Variants in GSE1 observed in about 807,000 individuals in gnomAD.
The protein encoded by GSE1 is genetic suppressor element 1.
In GSE1, 32 loss-of-function variants were observed where a neutral mutation model predicts 112.6. The ratio of observed to expected loss-of-function variants is 0.28; its 90% CI spans 0.21 to 0.38. GSE1 has a LOEUF of 0.38. Ranked by LOEUF, GSE1 falls within the 10% of genes least tolerant of loss-of-function variation. The probability of loss-of-function intolerance (pLI) is 1.00; values close to 1 mark genes in which losing one functional copy is unlikely to be tolerated. For synonymous variants in GSE1, 1,115 were observed against 735.6 expected (o/e 1.52, Z -8.35); for missense variants, 2,348 against 1,699.2 (o/e 1.38, Z -6.71).
rs1035293221 is a variant in GSE1 at position 85,317,553 on chromosome 16, T to C, written c.2284-39910T>C. On this transcript the variant is annotated intron_variant, in intron 1 of 2. Transcript: ENST00000637419. ...CAGGACTGAGCCCTGCTGCCCACAGTGAGTGTTGGTGAGCATCCATGCGCC... is the reference window on the plus strand; with the variant it reads ...CAGGACTGAGCCCTGCTGCCCACAGCGAGTGTTGGTGAGCATCCATGCGCC... 3.9e-4 allele frequency among the ~76,000 whole-genome samples: 60 copies of C among 152,004 alleles called. 1 individual carries two copies. Among genetic ancestry groups the C allele is most frequent in the African/African-American group, 1.4e-3 (58 of 41,384 alleles).
intron 2 of GSE1, among the ~76,000 whole-genome samples, chr16:85,462,621 G>A (rs1567506625): frequency 6.8e-6 from 1 of 146,160 alleles, no homozygotes; most frequent in Non-Finnish European, 1.5e-5. Context: ...CAGCAGTCTT[G>A]ACAAGCGCGT....
chr16:85,616,293 G>T (rs543425016), intron 1 of GSE1, among the ~76,000 whole-genome samples: 1 of 152,270 alleles, frequency 6.6e-6, no homozygotes, highest in Admixed American at 6.5e-5. Context: ...GAGCTGAGGG[G>T]CAGGAGCTGG....
At chr16:85,346,676 A>G (rs1442837934) in intron 1 of GSE1, among the ~76,000 whole-genome samples, 5 of 143,066 alleles carry the variant, frequency 3.5e-5, no homozygotes, top group African/African-American at 1.3e-4. Flanking sequence ...TGGATGGATG[A>G]TGGGTGGATG....
At chr16:85,495,477 G>A (rs939813630) in intron 2 of GSE1, among the ~76,000 whole-genome samples, 17 of 140,942 alleles carry the variant, frequency 1.2e-4, no homozygotes, top group Admixed American at 4.9e-4. Flanking sequence ...TTATTTATTT[G>A]TGTATTTATT....
chr16:85,372,486 CAAAAAA>C (rs3030350), intron 2 of GSE1, among the ~76,000 whole-genome samples: 8 of 87,550 alleles, frequency 9.1e-5, no homozygotes, highest in Non-Finnish European at 6.7e-5. Context: ...CTCTGTCTCA[CAAAAAA>C]AAAAAAAAAA....
At chr16:85,593,708 T>C (rs2047093836) in intron 1 of GSE1, 1 of 152,100 alleles carries the variant, frequency 6.6e-6, no homozygotes, top group Admixed American at 6.5e-5. Flanking sequence ...CCCATTTGCA[T>C]AATCCACACA....
Position 85,371,438 on chromosome 16 carries a change from G to A in GSE1, c.2464+13795G>A, listed in dbSNP as rs577617862. Among the ~76,000 whole-genome samples the A allele has an allele frequency of 2.6e-5, 4 of 152,330 alleles. No homozygotes were observed. The East Asian group carries it at 5.8e-4, about 22-fold the overall frequency. On this transcript the variant is annotated intron_variant, in intron 2 of 2. Coordinates refer to the GSE1 transcript ENST00000637419. ...GGTGTGCGTCCTGGCTGCAGGGGCT[G>A]TATGGGTGCAGATGTGGAGCATGAG...
chr16:85,614,115 C>A (rs1019471221), intron 1 of GSE1, among the ~76,000 whole-genome samples: 1 of 149,864 alleles, frequency 6.7e-6, no homozygotes, highest in African/African-American at 2.5e-5. Context: ...GATGGCTGCC[C>A]CAGCCTCGGA....
intron 2 of GSE1, among the ~76,000 whole-genome samples, chr16:85,404,921 A>C: frequency 7.6e-5 from 1 of 13,218 alleles, no homozygotes; most frequent in East Asian, 1.3e-3. Context: ...TGTTACTCTC[A>C]GGCCCCCCTG....
At chr16:85,320,469 T>TTG (rs746387735) in intron 1 of GSE1, among the ~76,000 whole-genome samples, 2 of 151,844 alleles carry the variant, frequency 1.3e-5, no homozygotes, top group African/African-American at 4.8e-5. Flanking sequence ...TTTTGTTTTG[T>TTG]TTTTTTGTAG....
intron 1 of GSE1, among the ~76,000 whole-genome samples, chr16:85,598,133 C>T (rs1439319345): frequency 1.4e-5 from 2 of 146,868 alleles, no homozygotes; most frequent in Non-Finnish European, 3.0e-5. Flanking sequence ...GCGTTTTTCT[C>T]TCTCTCTTTC....
At chr16:85,507,300 G>A (rs574921935) in intron 2 of GSE1, among the ~76,000 whole-genome samples, 1 of 152,278 alleles carries the variant, frequency 6.6e-6, no homozygotes, top group East Asian at 1.9e-4. Flanking sequence ...GTGGTATCCG[G>A]TTTGGAAACT....
At chr16:85,551,042 G>A (rs1308212297), upstream of GSE1, among the ~76,000 whole-genome samples, 25 of 152,172 alleles carry the variant, frequency 1.6e-4, no homozygotes, top group Admixed American at 1.6e-3. Context: ...TTTTCAGGGA[G>A]GTGCGGGGTG....
chr16:85,606,365 G>A (rs1258345967), intron 1 of GSE1, among the ~76,000 whole-genome samples: 2 of 152,190 alleles, frequency 1.3e-5, no homozygotes, highest in African/African-American at 2.4e-5. Flanking sequence ...GGACTTCTCC[G>A]AGCTCCACAA....
rs369814933 is a variant in GSE1 at position 85,182,920 on chromosome 16, CCTT to C, written c.2283+11116_2283+11118del. Among the ~76,000 whole-genome samples, 637 of 152,222 alleles carry C rather than the reference CCTT, an allele frequency of 4.2e-3. 3 individuals carry two copies. The highest frequency in any genetic ancestry group is 0.014 in the African/African-American group (589 of 41,524). On this transcript the variant is annotated intron_variant, in intron 1 of 2. Coordinates refer to the GSE1 transcript ENST00000637419. ...TCTCGCACACACGCACCTTGCACCTCCTTCTCCTGCACCACGCTCGCACACTTG... is the reference window on the plus strand; with the variant it reads ...TCTCGCACACACGCACCTTGCACCTCCTCCTGCACCACGCTCGCACACTTG...
At chr16:85,434,338 T>C (rs2049192696) in intron 2 of GSE1, among the ~76,000 whole-genome samples, 1 of 150,182 alleles carries the variant, frequency 6.7e-6, no homozygotes. Flanking sequence ...ATAATAATAA[T>C]AATAATAATC....
chr16:85,461,667 G>A (rs2049972183), intron 2 of GSE1, among the ~76,000 whole-genome samples: 1 of 152,278 alleles, frequency 6.6e-6, no homozygotes, highest in African/African-American at 2.4e-5. Context: ...CCTTTAATTA[G>A]GATCACCTGG....
chr16:85,510,233 T>G (rs537455788), intron 2 of GSE1, among the ~76,000 whole-genome samples: 1 of 152,306 alleles, frequency 6.6e-6, no homozygotes, highest in African/African-American at 2.4e-5. Context: ...GGGGGCTGAA[T>G]TTCCATTTTA....
chr16:85,467,238 G>A (rs2050150056), intron 2 of GSE1, among the ~76,000 whole-genome samples: 1 of 152,170 alleles, frequency 6.6e-6, no homozygotes, highest in South Asian at 2.1e-4. Context: ...GCCTGGGTTC[G>A]CATCCTGCTG....
Sources: gnomAD v4.1 joint callset for allele counts (sites outside exome capture counted in the v4.1 genomes callset) on GRCh38, gnomAD v4.1.1 for gene constraint, MANE v1.5 for transcripts, NCBI Gene and HGNC (gene_info 2026-07-23, HGNC 2026-07-21) for gene names.